Variants in PRKN observed in about 807,000 individuals in gnomAD.
PRKN encodes the protein E3 ubiquitin-protein ligase parkin.
PRKN carries 56 observed loss-of-function variants against 59.5 expected under a neutral mutation model. The observed-to-expected ratio is 0.94, with a 90% confidence interval of 0.76 to 1.18. The LOEUF (loss-of-function observed/expected upper bound fraction) is 1.18, where lower values mean the gene tolerates loss of function less well. PRKN is among the 50% of genes most tolerant of loss of function. The pLI is 0.00. For synonymous variants in PRKN, 250 were observed against 222.1 expected, an observed-to-expected ratio of 1.13 and a Z score of -1.12; for missense variants, 657 against 596.4, an observed-to-expected ratio of 1.10 and a Z score of -1.06.
At chr6:161,916,359 T>C (rs1353923104) in intron 6 of PRKN, among the ~76,000 whole-genome samples, 1 of 152,194 alleles carries the variant, frequency 6.6e-6, no homozygotes, top group Non-Finnish European at 1.5e-5. Context: ...ACAGTATCAT[T>C]CCATAAGTAT....
chr6:162,185,993 T>C (rs941240857), intron 4 of PRKN, among the ~76,000 whole-genome samples: 1 of 151,972 alleles, frequency 6.6e-6, no homozygotes, highest in Non-Finnish European at 1.5e-5. Context: ...AAACATGTGG[T>C]TTGAGAGCCC....
At chr6:161,750,587 G>A (rs1788648115) in intron 7 of PRKN, among the ~76,000 whole-genome samples, 1 of 151,932 alleles carries the variant, frequency 6.6e-6, no homozygotes, top group Non-Finnish European at 1.5e-5. Flanking sequence ...GACCAACATG[G>A]TGAAAACCCG....
At chr6:162,392,142 T>C (rs1029647805) in intron 2 of PRKN, among the ~76,000 whole-genome samples, 7 of 152,012 alleles carry the variant, frequency 4.6e-5, no homozygotes, top group African/African-American at 1.7e-4. Context: ...CCCAAAATCT[T>C]TTACAAAAAA....
At chr6:162,483,223 C>T (rs757638841) in intron 1 of PRKN, among the ~76,000 whole-genome samples, 13 of 152,056 alleles carry the variant, frequency 8.5e-5, no homozygotes, top group Non-Finnish European at 1.6e-4. Flanking sequence ...CTCTGAGAAA[C>T]AGACATCAAG....
chr6:162,284,211 CTTTCTTTTTTTTTTT>C (rs1781064095), intron 2 of PRKN, among the ~76,000 whole-genome samples: 1 of 62,596 alleles, frequency 1.6e-5, no homozygotes, highest in South Asian at 6.3e-4. Context: ...TGTGTTATTT[CTTTCTTTTTTTTTTT>C]TTTTTTTTTT....
At chr6:161,650,292 G>A (rs1784104884) in intron 7 of PRKN, among the ~76,000 whole-genome samples, 1 of 152,178 alleles carries the variant, frequency 6.6e-6, no homozygotes, top group African/African-American at 2.4e-5. Context: ...AGACTCAGAT[G>A]CCAGACCCTA....
At chr6:162,565,111 G>T (rs944657622) in intron 1 of PRKN, among the ~76,000 whole-genome samples, 2 of 152,270 alleles carry the variant, frequency 1.3e-5, no homozygotes, top group East Asian at 3.9e-4. Context: ...AAGTTAAAAT[G>T]CCAGGGGATA....
intron 2 of PRKN, among the ~76,000 whole-genome samples, chr6:162,309,541 C>G (rs529621656): frequency 6.6e-6 from 1 of 152,252 alleles, no homozygotes; most frequent in Non-Finnish European, 1.5e-5. Flanking sequence ...GTGAAGGGAT[C>G]TTTATCTCAG....
intron 3 of PRKN, among the ~76,000 whole-genome samples, chr6:162,208,156 C>T (rs1785038950): frequency 6.6e-6 from 1 of 152,176 alleles, no homozygotes; most frequent in Non-Finnish European, 1.5e-5. Flanking sequence ...TAAAGGAAGA[C>T]AGTTATTACA....
At chr6:162,689,842 G>C (rs1033191270) in intron 1 of PRKN, among the ~76,000 whole-genome samples, 2 of 152,206 alleles carry the variant, frequency 1.3e-5, no homozygotes, top group African/African-American at 4.8e-5. Flanking sequence ...TCTGCAGCCT[G>C]TGACTGCATG....
chr6:162,683,032 A>G (rs370740444), intron 1 of PRKN, among the ~76,000 whole-genome samples: 1 of 152,212 alleles, frequency 6.6e-6, no homozygotes, highest in East Asian at 1.9e-4. Context: ...ACGACATTAC[A>G]ATAATTGTTA....
intron 4 of PRKN, among the ~76,000 whole-genome samples, chr6:162,163,368 G>C (rs1214496594): frequency 6.7e-6 from 1 of 149,482 alleles, no homozygotes; most frequent in Non-Finnish European, 1.5e-5. Context: ...CAGTTACAAA[G>C]CCTGTAGTAT....
At chr6:161,657,205 T>G (rs1414469903) in intron 7 of PRKN, among the ~76,000 whole-genome samples, 3 of 152,098 alleles carry the variant, frequency 2.0e-5, no homozygotes, top group African/African-American at 7.3e-5. Flanking sequence ...CTCTTCGTTC[T>G]CTTTGACCCC....
chr6:162,718,158 T>C (rs1778798786), intron 1 of PRKN, among the ~76,000 whole-genome samples: 1 of 151,640 alleles, frequency 6.6e-6, no homozygotes, highest in Non-Finnish European at 1.5e-5. Flanking sequence ...TATTTGTCCA[T>C]CTTAGATCAC....
At chr6:162,030,328 G>T (rs1319185625) in intron 5 of PRKN, among the ~76,000 whole-genome samples, 1 of 152,122 alleles carries the variant, frequency 6.6e-6, no homozygotes, top group East Asian at 1.9e-4. Flanking sequence ...TCACTGCTGG[G>T]AATTAGAGGT....
chr6:161,994,892 T>A (rs1455425256), intron 5 of PRKN, among the ~76,000 whole-genome samples: 4 of 149,138 alleles, frequency 2.7e-5, no homozygotes, highest in Non-Finnish European at 4.5e-5. Flanking sequence ...GCAATCCCTA[T>A]CAAAATAACA....
intron 9 of PRKN, among the ~76,000 whole-genome samples, chr6:161,496,128 C>T (rs531507260): frequency 1.3e-5 from 2 of 152,332 alleles, no homozygotes; most frequent in African/African-American, 4.8e-5. Flanking sequence ...TGTGCTCTTG[C>T]CCTTCCCGGT....
chr6:161,876,604 T>C (rs1018080667), intron 6 of PRKN, among the ~76,000 whole-genome samples: 4 of 152,174 alleles, frequency 2.6e-5, no homozygotes, highest in African/African-American at 7.2e-5. Context: ...TGAGCCACCA[T>C]GCCCGGCTTT....
intron 6 of PRKN, among the ~76,000 whole-genome samples, chr6:161,916,244 A>C (rs1778552828): frequency 6.6e-6 from 1 of 152,208 alleles, no homozygotes; most frequent in Admixed American, 6.5e-5. Context: ...TGGAAACATA[A>C]GTGATTGAGA....
Sources: allele counts gnomAD v4.1 joint callset (sites outside exome capture counted in the v4.1 genomes callset), GRCh38; gene constraint gnomAD v4.1.1; transcripts MANE v1.5; gene names NCBI Gene and HGNC (gene_info 2026-07-23, HGNC 2026-07-21).